The following RBMS3 variants were observed in gnomAD, a reference collection of about 807,000 sequenced individuals.
The protein encoded by RBMS3 is RNA binding motif single stranded interacting protein 3.
Under a neutral mutation model 66.8 loss-of-function variants are expected in RBMS3, and 27 were observed. The ratio of observed to expected loss-of-function variants is 0.40; its 90% CI spans 0.30 to 0.56. RBMS3 has a LOEUF of 0.56. RBMS3 is among the 20% of genes least tolerant of loss of function. RBMS3 has a pLI of 0.40. For missense variants in RBMS3, 513 were observed against 549.5 expected, an observed-to-expected ratio of 0.93 and a Z score of 0.66; for synonymous variants, 188 against 183.0, an observed-to-expected ratio of 1.03 and a Z score of -0.22.
At chr3:29,331,120 A>G (rs1195853183) in intron 1 of RBMS3, among the ~76,000 whole-genome samples, 1 of 152,122 alleles carries the variant, frequency 6.6e-6, no homozygotes, top group Non-Finnish European at 1.5e-5. Context: ...TGATGGGATA[A>G]GCCTGTCCTC....
chr3:29,769,337 A>G (rs2056086869), intron 6 of RBMS3, among the ~76,000 whole-genome samples: 1 of 151,988 alleles, frequency 6.6e-6, no homozygotes, highest in Non-Finnish European at 1.5e-5. Flanking sequence ...GTGCAGGCAC[A>G]GAAAATTATC....
chr3:29,854,343 G>C (rs1236838399), intron 6 of RBMS3, among the ~76,000 whole-genome samples: 1 of 152,214 alleles, frequency 6.6e-6, no homozygotes, highest in Non-Finnish European at 1.5e-5. Flanking sequence ...ATAACAAGCA[G>C]GGGCAAATCT....
intron 3 of RBMS3, among the ~76,000 whole-genome samples, chr3:29,541,593 T>C (rs2045762699): frequency 6.6e-6 from 1 of 152,156 alleles, no homozygotes; most frequent in African/African-American, 2.4e-5. Context: ...TGCAGATGCC[T>C]CCTAAATTGG....
At chr3:29,499,117 C>G (rs1208116699) in intron 3 of RBMS3, among the ~76,000 whole-genome samples, 2 of 151,996 alleles carry the variant, frequency 1.3e-5, no homozygotes, top group African/African-American at 4.8e-5. Context: ...TTTGTTCACT[C>G]CTTTGTTATG....
chr3:29,809,562 A>G (rs2057666985), intron 6 of RBMS3, among the ~76,000 whole-genome samples: 1 of 152,028 alleles, frequency 6.6e-6, no homozygotes, highest in South Asian at 2.1e-4. Context: ...TACTAATATT[A>G]AATTTTATCA....
chr3:29,639,920 G>C (rs190202888), intron 4 of RBMS3, among the ~76,000 whole-genome samples: 1 of 151,734 alleles, frequency 6.6e-6, no homozygotes, highest in East Asian at 1.9e-4. Context: ...CAGATGACGG[G>C]GAGATATAAA....
chr3:29,777,775 T>A (rs1009667192), intron 6 of RBMS3, among the ~76,000 whole-genome samples: 1 of 151,884 alleles, frequency 6.6e-6, no homozygotes, highest in African/African-American at 2.4e-5. Context: ...ATCCTGTTGG[T>A]TGTTACAATT....
intron 8 of RBMS3, among the ~76,000 whole-genome samples, chr3:29,892,377 C>T (rs925783955): frequency 6.6e-6 from 1 of 151,484 alleles, no homozygotes; most frequent in African/African-American, 2.4e-5. Flanking sequence ...GTTCAGGACT[C>T]GATAATGTTT....
At chr3:29,440,831 A>G (rs984605470) in intron 2 of RBMS3, among the ~76,000 whole-genome samples, 1 of 152,346 alleles carries the variant, frequency 6.6e-6, no homozygotes, top group South Asian at 2.1e-4. Context: ...GGTGTCAGAC[A>G]GTTTTGACAA....
chr3:29,305,155 C>T (rs1344468414), intron 1 of RBMS3, among the ~76,000 whole-genome samples: 1 of 151,890 alleles, frequency 6.6e-6, no homozygotes, highest in Non-Finnish European at 1.5e-5. Flanking sequence ...CCAATCTTAA[C>T]ATAGATGATT....
chr3:29,995,732 C>G, intron 14 of RBMS3, among the ~76,000 whole-genome samples: 1 of 152,142 alleles, frequency 6.6e-6, no homozygotes, highest in East Asian at 1.9e-4. Context: ...GATTTTGTCA[C>G]CACCAGGCCT....
Position 29,621,509 on chromosome 3 carries a change from A to G in RBMS3, c.399+34304A>G, listed in dbSNP as rs886241440. Among the ~76,000 whole-genome samples, 15 of 152,178 alleles carry G rather than the reference A, an allele frequency of 9.9e-5. 1 individual carries two copies. The highest frequency in any genetic ancestry group is 2.9e-5 in the Non-Finnish European group (2 of 68,020). On this transcript the variant is annotated intron_variant, in intron 4 of 14. Coordinates refer to ENST00000383767, the MANE Select transcript of RBMS3 (RefSeq NM_001003793.3). ...TGTTGTTGATCAAATAATGAATGTA[A>G]AAGATGGTTGTTATATCTGTAGAGA...
Position 29,596,212 on chromosome 3 carries a change from T to C in RBMS3, c.399+9007T>C, listed in dbSNP as rs141419065. Among the ~76,000 whole-genome samples, 6 of 152,350 alleles carry C rather than the reference T, an allele frequency of 3.9e-5. No individual in the cohort carries two copies. In the East Asian group the frequency reaches 1.2e-3, roughly 29 times the overall value. On this transcript the variant is annotated intron_variant, in intron 4 of 14. Coordinates refer to ENST00000383767, the MANE Select transcript of RBMS3 (RefSeq NM_001003793.3). ...TGCTTTCTGCATTTTATTTTTATAC[T>C]GTACTCTAAAAATGATTGGATGAAT...
intron 4 of RBMS3, among the ~76,000 whole-genome samples, chr3:29,699,539 C>A (rs189423096): frequency 1.8e-3 from 277 of 152,256 alleles, no homozygotes; most frequent in African/African-American, 6.3e-3. Flanking sequence ...TTAACTCTTT[C>A]CAGCTTTTGT....
At chr3:29,573,077 A>G (rs1026687591) in intron 3 of RBMS3, among the ~76,000 whole-genome samples, 2 of 151,908 alleles carry the variant, frequency 1.3e-5, no homozygotes, top group Admixed American at 6.6e-5. Flanking sequence ...GCCATTAATG[A>G]TCCTTTAAAT....
chr3:29,901,228 C>T (rs1220519227), intron 10 of RBMS3, among the ~76,000 whole-genome samples: 1 of 151,688 alleles, frequency 6.6e-6, no homozygotes, highest in Non-Finnish European at 1.5e-5. Context: ...GCTGCCAAAG[C>T]AATACATAGC....
chr3:29,949,151 G>A (rs957022526), intron 12 of RBMS3, among the ~76,000 whole-genome samples: 23 of 151,078 alleles, frequency 1.5e-4, no homozygotes, highest in Admixed American at 9.3e-4. Context: ...CAACTAGATT[G>A]GACTAGTATA....
intron 4 of RBMS3, among the ~76,000 whole-genome samples, chr3:29,627,440 G>T (rs1294067749): frequency 6.6e-6 from 1 of 152,000 alleles, no homozygotes; most frequent in African/African-American, 2.4e-5. Context: ...ACAATCCTTG[G>T]CCTCTACCTA....
chr3:29,405,987 C>A, intron 1 of RBMS3, among the ~76,000 whole-genome samples: 1 of 152,148 alleles, frequency 6.6e-6, no homozygotes, highest in African/African-American at 2.4e-5. Flanking sequence ...GCTGCATATC[C>A]TAATTGTTAC....
Sources: gnomAD v4.1 joint callset for allele counts (sites outside exome capture counted in the v4.1 genomes callset) on GRCh38, gnomAD v4.1.1 for gene constraint, MANE v1.5 for transcripts, NCBI Gene and HGNC (gene_info 2026-07-23, HGNC 2026-07-21) for gene names.